The following TM7SF3 variants were observed in gnomAD, a reference collection of about 807,000 sequenced individuals.
TM7SF3 encodes transmembrane 7 superfamily member 3, also known as seven span transmembrane protein.
TM7SF3 carries 60 observed loss-of-function variants against 65.5 expected under a neutral mutation model. The observed-to-expected ratio is 0.92, with a 90% confidence interval of 0.74 to 1.14. TM7SF3 has a LOEUF of 1.14. Among genes scored for constraint, TM7SF3 ranks in the 50% most tolerant of loss-of-function variants. The pLI, the probability that TM7SF3 is intolerant of heterozygous loss-of-function variation, is 0.00. For synonymous variants in TM7SF3, 264 were observed against 259.6 expected, an observed-to-expected ratio of 1.02 and a Z score of -0.16; for missense variants, 623 against 684.8, an observed-to-expected ratio of 0.91 and a Z score of 1.01.
chr12:26,985,349 TAGTC>T (rs1939999493), intron 6 of TM7SF3, among the ~76,000 whole-genome samples: 1 of 151,296 alleles, frequency 6.6e-6, no homozygotes, highest in African/African-American at 2.4e-5. Flanking sequence ...ATACAAAAAT[TAGTC>T]AGGCAAGGTG....
intron 1 of TM7SF3, among the ~76,000 whole-genome samples, chr12:27,005,493 C>T (rs977600438): frequency 1.3e-5 from 2 of 152,128 alleles, no homozygotes; most frequent in Admixed American, 6.5e-5. Context: ...TTCTAATAAT[C>T]CTCATGTCTA....
At chr12:26,978,146 C>G (rs985163986) in intron 9 of TM7SF3, 1 of 404,046 alleles carries the variant, frequency 2.5e-6, no homozygotes, top group Non-Finnish European at 4.9e-6. Flanking sequence ...GAGATGATCA[C>G]TCTAACGGTC....
chr12:26,999,435 A>G, intron 3 of TM7SF3, 91 bp downstream of exon 3: 1 of 1,377,696 alleles, frequency 7.3e-7, no homozygotes, highest in Admixed American at 2.2e-5. Flanking sequence ...TACTTGCAAC[A>G]AACAATCTCA....
chr12:27,001,031 T>C (rs973965927), intron 2 of TM7SF3, among the ~76,000 whole-genome samples: 2 of 151,906 alleles, frequency 1.3e-5, no homozygotes, highest in Non-Finnish European at 2.9e-5. Flanking sequence ...TTGATAAGCA[T>C]AAGAAAGAAT....
chr12:27,008,324 A>G lies in TM7SF3; in HGVS notation c.92-4934T>C, dbSNP rs370024658. On this transcript the variant is annotated intron_variant, in intron 1 of 11. Transcript: ENST00000343028. ...GAAACCTTTGCTTTGCTTATTTGCT[A>G]TTTGGATATCCTCTTTGTGAAACAG... is the stretch of plus-strand genomic sequence containing the variant. 4.6e-5 allele frequency among the ~76,000 whole-genome samples: 7 copies of G among 152,218 alleles called. No individual in the cohort carries two copies. In the South Asian group the frequency reaches 1.4e-3, roughly 32 times the overall value.
At chr12:27,002,084 T>C (rs1940854221) in intron 2 of TM7SF3, among the ~76,000 whole-genome samples, 1 of 152,026 alleles carries the variant, frequency 6.6e-6, no homozygotes, top group Non-Finnish European at 1.5e-5. Context: ...ATGCACACAA[T>C]TTCCAAACCT....
rs142802356 is a variant in TM7SF3, at chr12:27,003,328, C to G, written c.154G>C (p.Glu52Gln). 1,113 of 1,613,712 alleles carry G rather than the reference C, an allele frequency of 6.9e-4. 13 individuals are homozygous for G. The Middle Eastern group carries it at 7.9e-3, about 11-fold the overall frequency. ...CTTGAAATATCATGCAAAATAGCTT[C>G]CTCTGGAAAGGGCCTATTGAGCTCG... ...YFELNRPFPEEAILHDISSNV... is the reference protein window; with the variant it reads ...YFELNRPFPEQAILHDISSNV... The change falls in exon 2 of 12, where the codon GAA becomes CAA. Residue 52 changes from glutamate (E) to glutamine (Q), a missense_variant. Coordinates refer to ENST00000343028, the MANE Select transcript of TM7SF3 (RefSeq NM_016551.3).
chr12:27,012,438 A>C (rs1941280362), intron 1 of TM7SF3, among the ~76,000 whole-genome samples: 1 of 152,180 alleles, frequency 6.6e-6, no homozygotes, highest in South Asian at 2.1e-4. Flanking sequence ...TTCAGTTTGC[A>C]CAAGGGCTTT....
At position 26,972,776 on chromosome 12, in the gene TM7SF3, T is replaced by C. The variant is rs532333551; in HGVS notation, c.*1189A>G. Among the ~76,000 whole-genome samples the C allele has an allele frequency of 5.0e-4, 76 of 152,098 alleles. No homozygotes were observed. The highest frequency in any genetic ancestry group is 1.1e-3 in the Non-Finnish European group (74 of 67,998). Reference sequence around the variant, plus strand: ...GCAATATAGATTAAGGTGGGGGTTATTTCCTAAAAACAAAAGTAATCCATA... The same window carrying C: ...GCAATATAGATTAAGGTGGGGGTTACTTCCTAAAAACAAAAGTAATCCATA... On this transcript the variant is annotated 3_prime_UTR_variant, in exon 12 of 12. Coordinates refer to ENST00000343028, the MANE Select transcript of TM7SF3 (RefSeq NM_016551.3).
At chr12:26,995,496 C>G in intron 4 of TM7SF3, 88 bp from the exon 5 acceptor site, 1 of 1,334,662 alleles carries the variant, frequency 7.5e-7, no homozygotes, top group South Asian at 1.3e-5. Flanking sequence ...ATTTCAAACA[C>G]TTGCAACAAT....
At chr12:27,011,992 G>A (rs1053596670) in intron 1 of TM7SF3, among the ~76,000 whole-genome samples, 1 of 152,120 alleles carries the variant, frequency 6.6e-6, no homozygotes, top group East Asian at 1.9e-4. Flanking sequence ...GGCTGGCCTC[G>A]ATCAACTAAA....
intron 1 of TM7SF3, among the ~76,000 whole-genome samples, chr12:27,004,260 C>T (rs551424263): frequency 6.6e-6 from 1 of 152,182 alleles, no homozygotes; most frequent in South Asian, 2.1e-4. Flanking sequence ...TACTCCTGTG[C>T]GGTCCTGGAT....
intron 3 of TM7SF3, among the ~76,000 whole-genome samples, chr12:26,999,322 G>A (rs1469487213): frequency 6.6e-6 from 1 of 151,970 alleles, no homozygotes; most frequent in Non-Finnish European, 1.5e-5. Context: ...CTTGAACCCG[G>A]GAGGCAGAGG....
intron 1 of TM7SF3, 110 bp downstream of exon 1, chr12:27,013,968 C>G: frequency 1.1e-6 from 1 of 910,406 alleles, no homozygotes; most frequent in South Asian, 1.4e-5. Context: ...CGTGTACCAA[C>G]GCCCCCAGCA....
chr12:26,980,011 G>A (rs990737009), intron 8 of TM7SF3, 75 bp from the exon 9 acceptor site: 20 of 1,552,270 alleles, frequency 1.3e-5, no homozygotes, highest in East Asian at 6.8e-5. Flanking sequence ...ATACAATACC[G>A]TTACCAGTGC....
At chr12:27,008,188 A>G (rs1941111496) in intron 1 of TM7SF3, among the ~76,000 whole-genome samples, 1 of 152,004 alleles carries the variant, frequency 6.6e-6, no homozygotes, top group African/African-American at 2.4e-5. Context: ...AAGTGTTCCA[A>G]TTGCCCAGAA....
Position 26,979,900 on chromosome 12 carries a change from C to G in TM7SF3, c.1073G>C (p.Gly358Ala). 1 of 1,614,180 alleles carries G rather than the reference C, an allele frequency of 6.2e-7. No individual in the cohort carries two copies. The highest frequency in any genetic ancestry group is 8.5e-7 in the Non-Finnish European group (1 of 1,180,032). The change falls in exon 9 of 12, where the codon GGT becomes GCT. Residue 358 changes from glycine to alanine, a missense_variant. Transcript: ENST00000343028. ...LILTAVTGSV[G>A]GMFLVAVWWR... is the part of the protein sequence containing the mutation. ...CCACACAGCTACCAAGAACATTCCACCGACGCTTCCAGTGACAGCTGTCAG... is the reference window on the plus strand; with the variant it reads ...CCACACAGCTACCAAGAACATTCCAGCGACGCTTCCAGTGACAGCTGTCAG...
chr12:26,995,334 T>A lies in TM7SF3; in HGVS notation c.593A>T (p.Gln198Leu). ...SRWRLQYDVY[Q>L]YFLPENDLTE... ...GAGGTCATTCTCAGGCAGAAAATAC[T>A]GATAGACATCATACTGCAACCTCCA... The change falls in exon 5 of 12, where the codon CAG becomes CTG. Residue 198 changes from glutamine to leucine, a missense_variant. Physicochemically the swap from Gln to Leu is moderately radical, Grantham distance 113. Transcript: ENST00000343028. The A allele has an allele frequency of 6.2e-7, 1 of 1,614,182 alleles. No homozygotes were observed. The highest frequency in any genetic ancestry group is 8.5e-7 in the Non-Finnish European group (1 of 1,180,036).
chr12:26,988,672 T>TTATG (rs1032405985), intron 6 of TM7SF3, among the ~76,000 whole-genome samples: 2 of 146,228 alleles, frequency 1.4e-5, no homozygotes, highest in African/African-American at 5.1e-5. Flanking sequence ...GAGAAGAAAA[T>TTATG]TGTGTGTGTG....
Sources: gnomAD v4.1 joint callset for allele counts (sites outside exome capture counted in the v4.1 genomes callset) on GRCh38, gnomAD v4.1.1 for gene constraint, MANE v1.5 for transcripts, NCBI Gene and HGNC (gene_info 2026-07-23, HGNC 2026-07-21) for gene names.